TNNI3K: variants seen among roughly 807,000 people sequenced by gnomAD.
The protein encoded by TNNI3K is TNNI3 interacting kinase, also known as serine/threonine-protein kinase TNNI3K.
TNNI3K carries 140 observed loss-of-function variants against 114.5 expected under a neutral mutation model. The ratio of observed to expected loss-of-function variants is 1.22; its 90% CI spans 1.07 to 1.41. The LOEUF is 1.41. TNNI3K is among the 40% of genes most tolerant of loss of function. TNNI3K has a pLI of 0.00. For missense variants in TNNI3K, 1,125 were observed against 1,007.6 expected (o/e 1.12, Z -1.58); for synonymous variants, 347 against 347.5 (o/e 1.00, Z 0.02).
At chr1:74,258,911 TAACA>T (rs1655497100) in intron 4 of TNNI3K, among the ~76,000 whole-genome samples, 12 of 152,212 alleles carry the variant, frequency 7.9e-5, no homozygotes, top group Admixed American at 7.9e-4. Context: ...TCTAAATTTT[TAACA>T]AACAACCTAG....
intron 17 of TNNI3K, among the ~76,000 whole-genome samples, chr1:74,413,167 T>A (rs1011102624): frequency 4.6e-5 from 7 of 152,184 alleles, no homozygotes; most frequent in African/African-American, 1.4e-4. Context: ...ATGAAAAGTT[T>A]CCCATGTGCT....
chr1:74,386,390 T>G (rs1417679537), intron 17 of TNNI3K, among the ~76,000 whole-genome samples: 1 of 152,106 alleles, frequency 6.6e-6, no homozygotes, highest in Non-Finnish European at 1.5e-5. Flanking sequence ...TTACTAGATA[T>G]GCAACACTGA....
chr1:74,494,674 A>T (rs1190776690), intron 23 of TNNI3K, among the ~76,000 whole-genome samples: 1 of 152,240 alleles, frequency 6.6e-6, no homozygotes, highest in Admixed American at 6.5e-5. Flanking sequence ...TAAGAGGATG[A>T]GCTGTGGAAT....
chr1:74,307,563 G>C (rs950722748), intron 5 of TNNI3K, among the ~76,000 whole-genome samples: 15 of 152,182 alleles, frequency 9.9e-5, no homozygotes, highest in African/African-American at 3.6e-4. Flanking sequence ...AATGATGAAG[G>C]GTTCAAATCA....
At chr1:74,477,677 T>C (rs1332203673) in intron 21 of TNNI3K, among the ~76,000 whole-genome samples, 1 of 152,194 alleles carries the variant, frequency 6.6e-6, no homozygotes, top group African/African-American at 2.4e-5. Context: ...ACTCCCCTGC[T>C]CTTGATACTA....
At chr1:74,464,943 C>T in intron 21 of TNNI3K, 1 of 1,233,168 alleles carries the variant, frequency 8.1e-7, no homozygotes, top group Non-Finnish European at 1.0e-6. Flanking sequence ...TCAGTGCCTT[C>T]AATCTCTGCA....
At chr1:74,483,168 C>G in intron 21 of TNNI3K, 1 of 663,640 alleles carries the variant, frequency 1.5e-6, no homozygotes, top group Non-Finnish European at 2.8e-6. Flanking sequence ...ACCTCTTAAG[C>G]TGAGCCCAGA....
chr1:74,246,739 T>C (rs993143143), intron 2 of TNNI3K, among the ~76,000 whole-genome samples: 1 of 152,222 alleles, frequency 6.6e-6, no homozygotes, highest in African/African-American at 2.4e-5. Context: ...GAAAAAGCTT[T>C]GGAGCTCTTC....
intron 19 of TNNI3K, 87 bp from the exon 20 acceptor site, chr1:74,439,403 A>G (rs1666275994): frequency 6.5e-7 from 1 of 1,545,286 alleles, no homozygotes; most frequent in Admixed American, 2.0e-5. Context: ...GGGAGAACAC[A>G]GTAAATTCTC....
At chr1:74,508,116 G>C (rs933140586) in intron 23 of TNNI3K, among the ~76,000 whole-genome samples, 1 of 152,212 alleles carries the variant, frequency 6.6e-6, no homozygotes. Flanking sequence ...GGAGAGGCAG[G>C]CATGTGGATA....
Position 74,447,149 on chromosome 1 carries a change from G to A in TNNI3K, c.2011+7527G>A, listed in dbSNP as rs948280171. Among the ~76,000 whole-genome samples, 458 of 151,350 alleles carry A rather than the reference G, an allele frequency of 3.0e-3. 2 individuals are homozygous for A. The highest frequency in any genetic ancestry group is 0.01 in the African/African-American group (431 of 41,058). ...CTTTGGGCAGTATGGCCATTTTCACGATATTGATTCTTCCTACCCATGAGC... is the reference window on the plus strand; with the variant it reads ...CTTTGGGCAGTATGGCCATTTTCACAATATTGATTCTTCCTACCCATGAGC... On this transcript the variant is annotated intron_variant, in intron 20 of 24. Transcript: ENST00000326637.
intron 4 of TNNI3K, among the ~76,000 whole-genome samples, chr1:74,270,461 G>A (rs2027013): frequency 2.6e-5 from 4 of 151,614 alleles, no homozygotes; most frequent in East Asian, 3.9e-4. Flanking sequence ...GGTTGAAGAT[G>A]CAATATTTAT....
At chr1:74,378,205 A>AT (rs2100541757) in intron 17 of TNNI3K, among the ~76,000 whole-genome samples, 1 of 152,034 alleles carries the variant, frequency 6.6e-6, no homozygotes, top group East Asian at 2.0e-4. Context: ...TCAAGTTAAA[A>AT]TTTTTCTTAA....
At chr1:74,261,142 CTT>C (rs1312887244) in intron 4 of TNNI3K, among the ~76,000 whole-genome samples, 2 of 151,940 alleles carry the variant, frequency 1.3e-5, no homozygotes, top group Non-Finnish European at 2.9e-5. Context: ...TCACAGGACT[CTT>C]TTAAAGATAC....
chr1:74,346,060 C>T (rs1212583149), intron 9 of TNNI3K: 1 of 152,156 alleles, frequency 6.6e-6, no homozygotes, highest in East Asian at 1.9e-4. Flanking sequence ...TAATGTGATT[C>T]TATAAGCATT....
At chr1:74,417,831 T>G (rs1665203894) in intron 17 of TNNI3K, among the ~76,000 whole-genome samples, 1 of 152,056 alleles carries the variant, frequency 6.6e-6, no homozygotes, top group African/African-American at 2.4e-5. Flanking sequence ...GAGAATACTA[T>G]GTGTACTCAT....
intron 17 of TNNI3K, chr1:74,378,608 A>ATATATG (rs1553138839): frequency 6.2e-4 from 41 of 66,258 alleles, no homozygotes; most frequent in African/African-American, 2.2e-3. Flanking sequence ...ATATATATAT[A>ATATATG]TATATATATA....
In TNNI3K at chr1:74,370,292, C is replaced by A. The variant is rs762791294; in HGVS notation, c.1672C>A (p.Leu558Ile). Residue 558 changes from leucine (L) to isoleucine (I), a missense_variant, in exon 17 of 25, where the codon CTT (leucine) becomes ATT (isoleucine). By Grantham distance (5) the Leu-to-Ile change is conservative. Coordinates refer to ENST00000326637, the MANE Select transcript of TNNI3K (RefSeq NM_015978.3). ...FSLLHEQKRI[L>I]DLQSKLIIAV... ...AAATCTATTTTTAAATTCTAGGATT[C>A]TTGATTTGCAGTCTAAATTAATTAT... The A allele has an allele frequency of 6.3e-7, 1 of 1,587,350 alleles. No homozygotes were observed. The highest frequency in any genetic ancestry group is 2.3e-5 in the East Asian group (1 of 43,958).
chr1:74,439,911 T>C (rs1386781377), intron 20 of TNNI3K, among the ~76,000 whole-genome samples: 1 of 152,038 alleles, frequency 6.6e-6, no homozygotes, highest in African/African-American at 2.4e-5. Flanking sequence ...TCATGTGGCA[T>C]GTGAGAGCAA....
Sources: allele counts gnomAD v4.1 joint callset (sites outside exome capture counted in the v4.1 genomes callset), GRCh38; gene constraint gnomAD v4.1.1; transcripts MANE v1.5; gene names NCBI Gene and HGNC (gene_info 2026-07-23, HGNC 2026-07-21).